Variants in CAT observed in about 807,000 individuals in gnomAD.
The protein encoded by CAT is catalase, also known as epididymis secretory sperm binding protein.
In CAT, 43 loss-of-function variants were observed where a neutral mutation model predicts 59.0. The observed-to-expected ratio is 0.73, with a 90% CI of 0.57 to 0.94. The LOEUF is 0.94. CAT is among the 40% of genes least tolerant of loss of function. CAT has a pLI of 0.00. For synonymous variants in CAT, 218 were observed against 230.9 expected, an observed-to-expected ratio of 0.94 and a Z score of 0.51; for missense variants, 664 against 682.9, an observed-to-expected ratio of 0.97 and a Z score of 0.31.
In CAT at chr11:34,465,079, T is replaced by C. The variant is rs12786539; in HGVS notation, c.1326+844T>C. Among the ~76,000 whole-genome samples, 162 of 152,342 alleles carry C rather than the reference T, an allele frequency of 1.1e-3. 1 individual carries two copies. Among genetic ancestry groups the C allele is most frequent in the Admixed American group, 3.5e-3 (53 of 15,304 alleles). On this transcript the variant is annotated intron_variant, in intron 10 of 12. Coordinates refer to ENST00000241052, the MANE Select transcript of CAT (RefSeq NM_001752.4). ...AGGAGGCCCTTGGACTTGGAAGGGC[T>C]GTAGGTGGGCAGCTGCCTCCTTAAT... is the stretch of plus-strand genomic sequence containing the variant.
rs899442681 is a variant in CAT, at chr11:34,457,204, C to CTTTTTTTTTTTTTTTTTT, written c.1056+396_1056+413dup. ...GTAAGCCTAACTTTATTTTCTTGTT[C>CTTTTTTTTTTTTTTTTTT]TTTTTTTTTTTTTTTTTTTTTTTTT... On this transcript the variant is annotated intron_variant, in intron 8 of 12. Coordinates refer to ENST00000241052, the MANE Select transcript of CAT (RefSeq NM_001752.4). 9.1e-5 allele frequency among the ~76,000 whole-genome samples: 6 copies of CTTTTTTTTTTTTTTTTTT among 66,172 alleles called. 1 individual carries two copies. The highest frequency in any genetic ancestry group is 1.8e-4 in the African/African-American group (3 of 16,634). 43.4% of individuals were successfully genotyped at this position (66,172 alleles called of 152,430 possible).
chr11:34,469,046 C>T (rs1413697035), intron 11 of CAT, among the ~76,000 whole-genome samples: 1 of 152,240 alleles, frequency 6.6e-6, no homozygotes, highest in East Asian at 1.9e-4. Flanking sequence ...AAAAGGCAGG[C>T]TAGACTTTCA....
At chr11:34,470,822 T>TA in intron 11 of CAT, 136 bp from the exon 12 acceptor site, 1 of 793,770 alleles carries the variant, frequency 1.3e-6, no homozygotes, top group East Asian at 2.5e-5. Context: ...CTGGCATTGT[T>TA]AAACACCTGT....
At chr11:34,444,969 T>C (rs1452554747) in intron 1 of CAT, among the ~76,000 whole-genome samples, 2 of 152,216 alleles carry the variant, frequency 1.3e-5, no homozygotes, top group Non-Finnish European at 2.9e-5. Flanking sequence ...AATTTATAAA[T>C]TAAAATATTT....
chr11:34,452,135 T>G lies in CAT; in HGVS notation c.408T>G (p.Phe136Leu). ...ACCCTCGTGGGTTTGCAGTGAAATT[T>G]TACACAGAAGATGGTAACTGGGATC... ...VRDPRGFAVK[F>L]YTEDGNWDLV... The change falls in exon 4 of 13, where the codon TTT (phenylalanine) becomes TTG (leucine). Residue 136 changes from phenylalanine to leucine, a missense_variant. Phe to Leu is a conservative substitution (Grantham distance 22, BLOSUM62 0). Coordinates refer to ENST00000241052, the MANE Select transcript of CAT (RefSeq NM_001752.4). The G allele has an allele frequency of 6.2e-7, 1 of 1,613,818 alleles. No homozygotes were observed. Among genetic ancestry groups the G allele is most frequent in the Non-Finnish European group, 8.5e-7 (1 of 1,179,788 alleles).
At chr11:34,461,120 G>T (rs1423328860) in intron 8 of CAT, 131 bp from the exon 9 acceptor site, 2 of 1,006,938 alleles carry the variant, frequency 2.0e-6, no homozygotes, top group Admixed American at 1.7e-5. Flanking sequence ...TTAAGTAGCG[G>T]GAAAGGCAGA....
In CAT at chr11:34,461,273, ACACT is replaced by A; in HGVS notation, c.1083_1086del (p.His362AlafsTer13). The stretch of plus-strand genomic sequence containing the variant: ...CAGGGCCGCCTTTTTGCCTATCCTG[ACACT>A]CACCGCCATCGCCTGGGACCCAATT... On this transcript the variant is annotated frameshift_variant, in exon 9 of 13. Transcript: ENST00000241052. LOFTEE classifies it high-confidence loss of function. The A allele has an allele frequency of 6.2e-7, 1 of 1,614,186 alleles. No individual in the cohort carries two copies. Among genetic ancestry groups the A allele is most frequent in the Non-Finnish European group, 8.5e-7 (1 of 1,180,032 alleles).
intron 4 of CAT, among the ~76,000 whole-genome samples, chr11:34,452,514 A>G (rs1193444706): frequency 6.6e-6 from 1 of 152,098 alleles, no homozygotes; most frequent in South Asian, 2.1e-4. Context: ...GTGTCTCTAC[A>G]TGCTCTGAGT....
rs1856585601 is a variant in CAT, at chr11:34,456,046, T to C, written c.747T>C (p.Asp249=). 6.2e-7 allele frequency: 1 copy of C among 1,614,164 alleles called. No homozygotes were observed. Among genetic ancestry groups the C allele is most frequent in the East Asian group, 2.2e-5 (1 of 44,882 alleles). ...GCATCAAAAACCTTTCTGTTGAAGA[T>C]GCGGCGAGACTTTCCCAGGAAGATC... ...DQGIKNLSVE[D]AARLSQEDPD... is the part of the protein sequence containing the mutation. Residue 249 remains aspartate, a synonymous_variant, in exon 7 of 13, where the codon GAT becomes GAC. Transcript: ENST00000241052.
At chr11:34,452,013 C>T in intron 3 of CAT, 64 bp from the exon 4 acceptor site, 1 of 1,583,108 alleles carries the variant, frequency 6.3e-7, no homozygotes, top group Non-Finnish European at 8.7e-7. Flanking sequence ...TTCTTTATGT[C>T]TCCAGGCTTC....
intron 11 of CAT, among the ~76,000 whole-genome samples, chr11:34,470,388 C>T (rs1856760976): frequency 1.3e-5 from 2 of 152,148 alleles, no homozygotes; most frequent in South Asian, 4.1e-4. Flanking sequence ...CTGACCTTGC[C>T]AGTTGTGGGT....
intron 10 of CAT, among the ~76,000 whole-genome samples, chr11:34,464,504 C>T (rs959792435): frequency 1.3e-5 from 2 of 152,130 alleles, no homozygotes; most frequent in African/African-American, 4.8e-5. Context: ...ATTGGGGAAA[C>T]AGTTATCTCA....
chr11:34,447,938 C>T (rs902041160), intron 1 of CAT, among the ~76,000 whole-genome samples: 4 of 152,200 alleles, frequency 2.6e-5, no homozygotes, highest in African/African-American at 9.7e-5. Flanking sequence ...CATAGTTTCT[C>T]CCTGCTGCCA....
chr11:34,450,962 A>G, intron 2 of CAT, 26 bp from the exon 3 acceptor site: 6 of 1,457,402 alleles, frequency 4.1e-6, no homozygotes, highest in Non-Finnish European at 5.8e-6. Context: ...GTCTCATGGT[A>G]AGGATTTCTG....
At chr11:34,446,993 T>C (rs997830887) in intron 1 of CAT, among the ~76,000 whole-genome samples, 1 of 152,172 alleles carries the variant, frequency 6.6e-6, no homozygotes, top group African/African-American at 2.4e-5. Flanking sequence ...ATCCACCTGC[T>C]GCAGCCTCCC....
rs745756039 is a variant in CAT, at chr11:34,464,824, C to T, written c.1326+589C>T. ...AACAATGGAAAACTCTCCTTTATGG[C>T]GTCTTTCTCCATTATTACTTTTTTT... On this transcript the variant is annotated intron_variant, in intron 10 of 12. Transcript: ENST00000241052. 2.0e-5 allele frequency among the ~76,000 whole-genome samples: 3 copies of T among 152,078 alleles called. 1 individual carries two copies. Among genetic ancestry groups the T allele is most frequent in the South Asian group, 4.2e-4 (2 of 4,816 alleles).
intron 1 of CAT, among the ~76,000 whole-genome samples, chr11:34,447,388 C>T (rs922467523): frequency 6.6e-6 from 1 of 152,068 alleles, no homozygotes; most frequent in Non-Finnish European, 1.5e-5. Flanking sequence ...TTTTCTGGTT[C>T]ATTTTCTACT....
rs370102391 is a variant in CAT, at chr11:34,468,415, A to T, written c.1434+20A>T. The T allele has an allele frequency of 6.5e-7, 1 of 1,539,276 alleles. No homozygotes were observed. Among genetic ancestry groups the T allele is most frequent in the African/African-American group, 1.4e-5 (1 of 73,430 alleles). On this transcript the variant is annotated intron_variant, in intron 11 of 12. Transcript: ENST00000241052. ...AAAGCGGTGAGTCTTTGTAAGCTGA[A>T]GGGTGTCCTCTGCTGGCTAAGGAAG...
Position 34,442,252 on chromosome 11 carries a change from A to G in CAT, c.66+3173A>G, listed in dbSNP as rs548801878. On this transcript the variant is annotated intron_variant, in intron 1 of 12. Transcript: ENST00000241052. ...ATTTTAAGTTCAATCATGTGGAATCATGTGTAGGCTAAGTGTTATAATAAT... is the reference window on the plus strand; with the variant it reads ...ATTTTAAGTTCAATCATGTGGAATCGTGTGTAGGCTAAGTGTTATAATAAT... 3.1e-4 allele frequency among the ~76,000 whole-genome samples: 47 copies of G among 152,340 alleles called. 1 individual carries two copies. The highest frequency in any genetic ancestry group is 3.4e-4 in the Non-Finnish European group (23 of 68,032).
Sources: gnomAD v4.1 joint callset for allele counts (sites outside exome capture counted in the v4.1 genomes callset) on GRCh38, gnomAD v4.1.1 for gene constraint, MANE v1.5 for transcripts, NCBI Gene and HGNC (gene_info 2026-07-23, HGNC 2026-07-21) for gene names.